MYO19: variants seen among roughly 807,000 people sequenced by gnomAD.
MYO19 encodes the protein unconventional myosin-XIX.
In MYO19, 132 loss-of-function variants were observed where a neutral mutation model predicts 129.2. The observed-to-expected ratio is 1.02, with a 90% confidence interval of 0.89 to 1.18. MYO19 has a LOEUF of 1.18. Ranked by LOEUF, MYO19 falls within the 50% of genes most tolerant of loss-of-function variation. MYO19 has a pLI of 0.00. For missense variants in MYO19, 1,210 were observed against 1,216.7 expected, an observed-to-expected ratio of 0.99 and a Z score of 0.08; for synonymous variants, 531 against 477.2, an observed-to-expected ratio of 1.11 and a Z score of -1.47.
At chr17:36,538,210 A>AT, upstream of MYO19, 1 of 1,613,268 alleles carries the variant, frequency 6.2e-7, no homozygotes, top group Non-Finnish European at 8.5e-7. Context: ...AGAATGGCAA[A>AT]TTTAGCCTTT....
At chr17:36,507,749 A>G in intron 15 of MYO19, 54 bp downstream of exon 15, 1 of 1,528,120 alleles carries the variant, frequency 6.5e-7, no homozygotes, top group Non-Finnish European at 8.8e-7. Flanking sequence ...GAAGGTCAGG[A>G]AGGGATTGAG....
At chr17:36,535,295 A>C (rs1159073445), upstream of MYO19, 3 of 149,980 alleles carry the variant, frequency 2.0e-5, no homozygotes, top group Non-Finnish European at 2.9e-5. Flanking sequence ...TGTGAGGTGC[A>C]TGGCGCGCCG....
In MYO19 at chr17:36,514,458, G is replaced by A; in HGVS notation, c.708C>T (p.His236=). 1.2e-6 allele frequency: 2 copies of A among 1,611,192 alleles called. No homozygotes were observed. The highest frequency in any genetic ancestry group is 1.1e-5 in the South Asian group (1 of 91,028). The change falls in exon 9 of 26, where the codon CAC becomes CAT. Residue 236 remains histidine (H), a synonymous_variant. Coordinates refer to ENST00000614623, the MANE Select transcript of MYO19 (RefSeq NM_001163735.2). ...ATTTGGCACAAACCTGATAGAAGAT[G>A]TGGAAGTTCCTCTCACTGGAAGCCT... The part of the protein sequence containing the change: ...ACQASSERNF[H]IFYQICKGAS...
intron 13 of MYO19, chr17:36,509,399 T>A (rs1474380280): frequency 1.8e-6 from 1 of 541,538 alleles, no homozygotes; most frequent in Non-Finnish European, 3.3e-6. Context: ...CAAGCTCAGC[T>A]CCTAGGCTGG....
In MYO19 at chr17:36,498,269, A is replaced by G; in HGVS notation, c.2754T>C (p.Pro918=). 1 of 1,610,280 alleles carries G rather than the reference A, an allele frequency of 6.2e-7. No homozygotes were observed. The highest frequency in any genetic ancestry group is 8.5e-7 in the Non-Finnish European group (1 of 1,177,880). The part of the protein sequence containing the change: ...QAGVTSIRAL[P]QGSIKFHCRK... ...ATGGCCATCACACACAACGTACCTG[A>G]GGCAGCGCTCGGATGGACGTGACAC... The change falls in exon 25 of 26, where the codon CCT becomes CCC. Residue 918 remains proline, a synonymous_variant. Coordinates refer to ENST00000614623, the MANE Select transcript of MYO19 (RefSeq NM_001163735.2).
chr17:36,531,923 A>G (rs1364152432), intron 3 of MYO19, among the ~76,000 whole-genome samples: 1 of 152,208 alleles, frequency 6.6e-6, no homozygotes, highest in East Asian at 1.9e-4. Flanking sequence ...CAGGACCAAG[A>G]GTTACACATG....
chr17:36,525,028 T>C (rs572446995), intron 6 of MYO19, among the ~76,000 whole-genome samples, 200 bp downstream of exon 6: 8 of 152,206 alleles, frequency 5.3e-5, no homozygotes, highest in Non-Finnish European at 7.3e-5. Context: ...GAGCTTGCAG[T>C]AGAGCCTGGA....
In MYO19 at chr17:36,498,288, G is replaced by A. The variant is rs766196541; in HGVS notation, c.2735C>T (p.Thr912Met). The A allele has an allele frequency of 2.2e-5, 35 of 1,612,608 alleles. No individual in the cohort carries two copies. In the African/African-American group the frequency reaches 3.5e-4, roughly 16 times the overall value. Residue 912 changes from threonine to methionine, a missense_variant, in exon 25 of 26, where the codon ACG (threonine) becomes ATG (methionine). Transcript: ENST00000614623. ...VQTAQDQAGV[T>M]SIRALPQGSI... is the part of the protein sequence containing the mutation. ...TACCTGAGGCAGCGCTCGGATGGAC[G>A]TGACACCAGCCTGGTCTTGTGCTGT...
Position 36,511,011 on chromosome 17 carries a change from C to A in MYO19, c.986-94G>T, listed in dbSNP as rs2142026329. The A allele has an allele frequency of 5.1e-6, 7 of 1,377,482 alleles. No homozygotes were observed. The South Asian group carries it at 9.9e-5, about 19-fold the overall frequency. The allele number at this position is 1,377,482 out of a possible 1,614,324, so 85.3% of individuals were successfully genotyped here. On this transcript the variant is annotated intron_variant, in intron 12 of 25. Coordinates refer to ENST00000614623, the MANE Select transcript of MYO19 (RefSeq NM_001163735.2). ...TCATCACAGCGGGACCATGACTTGC[C>A]CAACTGGACAGAAGAAACCTAAGTT...
chr17:36,530,947 G>C (rs116749396), intron 3 of MYO19, among the ~76,000 whole-genome samples: 1 of 152,092 alleles, frequency 6.6e-6, no homozygotes, highest in Non-Finnish European at 1.5e-5. Flanking sequence ...TTAAGAGACA[G>C]GGTCTCACGG....
chr17:36,497,589 CT>C (rs746721426), intron 25 of MYO19: 95,789 of 737,352 alleles, frequency 0.13, no homozygotes, highest in Non-Finnish European at 0.14. Flanking sequence ...CTAAACCAAA[CT>C]TTTTTTTTTT....
At chr17:36,535,648 A>C (rs1042090387), upstream of MYO19, 2 of 152,236 alleles carry the variant, frequency 1.3e-5, no homozygotes, top group African/African-American at 4.8e-5. Flanking sequence ...TAGGAAAAAG[A>C]CTTTTTATTT....
Position 36,506,466 on chromosome 17 carries a change from G to C in MYO19, c.1787C>G (p.Ser596Cys). ...QSRAPVLTVV[S>C]KFKASLEQLL... ...GCACATCAGACCCACCTTGAACTTG[G>C]ACACCACGGTCAACACAGGGGCCCT... is the stretch of plus-strand genomic sequence containing the variant. The change falls in exon 18 of 26, where the codon TCC becomes TGC. Residue 596 changes from serine (S) to cysteine (C), a missense_variant. By Grantham distance (112) the Ser-to-Cys change is moderately radical. Transcript: ENST00000614623. 1 of 1,613,862 alleles carries C rather than the reference G, an allele frequency of 6.2e-7. No homozygotes were observed. Among genetic ancestry groups the C allele is most frequent in the Non-Finnish European group, 8.5e-7 (1 of 1,179,838 alleles).
At position 36,510,753 on chromosome 17, in the gene MYO19, A is replaced by T; in HGVS notation, c.1150T>A (p.Tyr384Asn). ...TRRDCLAKLI[Y>N]ARLFDWLVSV... ...GCCAGAGTAACTGCTCACCGCGCATAGATCAGTTTGGCCAGGCAGTCTCTA... is the reference window on the plus strand; with the variant it reads ...GCCAGAGTAACTGCTCACCGCGCATTGATCAGTTTGGCCAGGCAGTCTCTA... The change falls in exon 13 of 26, where the codon TAT (tyrosine) becomes AAT (asparagine). Residue 384 changes from tyrosine (Y) to asparagine (N), a missense_variant. Physicochemically the swap from Tyr to Asn is moderately radical, Grantham distance 143. Coordinates refer to ENST00000614623, the MANE Select transcript of MYO19 (RefSeq NM_001163735.2). The T allele has an allele frequency of 6.2e-7, 1 of 1,605,968 alleles. No homozygotes were observed.
rs548779662 is a variant in MYO19 at position 36,524,734 on chromosome 17, A to T, written c.414+494T>A. ...AGCTACTTTGGAGGAGCACTGCCAC[A>T]TGCCAAGCATGCCACCAGGTGCCAT... On this transcript the variant is annotated intron_variant, in intron 6 of 25. Transcript: ENST00000614623. Among the ~76,000 whole-genome samples the T allele has an allele frequency of 2.0e-3, 301 of 152,358 alleles. 4 individuals carry two copies. Among genetic ancestry groups the T allele is most frequent in the African/African-American group, 6.9e-3 (285 of 41,596 alleles).
At position 36,507,630 on chromosome 17, in the gene MYO19, A is replaced by T. The variant is rs1567745769; in HGVS notation, c.1354-118T>A. ...TCCAGAACAGCATCAAAGAAACAAA[A>T]GTATATCAAAACATTACATTGTACT... On this transcript the variant is annotated intron_variant, in intron 15 of 25. Coordinates refer to ENST00000614623, the MANE Select transcript of MYO19 (RefSeq NM_001163735.2). 1.1e-5 allele frequency: 14 copies of T among 1,328,220 alleles called. No homozygotes were observed. In the South Asian group the frequency reaches 1.6e-4, roughly 15 times the overall value. The allele number at this position is 1,328,220 out of a possible 1,614,324, so 82.3% of individuals were successfully genotyped here. A position where few individuals can be genotyped will look rare whatever the true frequency, so the allele number is the denominator to read the frequency against.
intron 4 of MYO19, 83 bp downstream of exon 4, chr17:36,527,981 G>T: frequency 6.5e-7 from 1 of 1,540,920 alleles, no homozygotes; most frequent in South Asian, 1.2e-5. Context: ...ACCTCCGTCT[G>T]ACCTGGAGAA....
chr17:36,514,383 T>C, intron 9 of MYO19, 63 bp downstream of exon 9: 1 of 1,092,590 alleles, frequency 9.2e-7, no homozygotes, highest in Non-Finnish European at 1.4e-6. Context: ...GAGTGGGGGG[T>C]TGAAAAACAC....
At position 36,507,906 on chromosome 17, in the gene MYO19, C is replaced by T. The variant is rs372125006; in HGVS notation, c.1250G>A (p.Gly417Glu). 6.2e-7 allele frequency: 1 copy of T among 1,607,796 alleles called. No individual in the cohort carries two copies. Among genetic ancestry groups the T allele is most frequent in the African/African-American group, 1.3e-5 (1 of 74,808 alleles). Residue 417 changes from glycine (G) to glutamate (E), a missense_variant, in exon 15 of 26, where the codon GGA (glycine) becomes GAA (glutamate). Physicochemically the swap from Gly to Glu is moderately conservative, Grantham distance 98 (BLOSUM62 -2). Transcript: ENST00000614623. ...ACTGTTGTCAGGAAATGATTCAAAT[C>T]CATACACATCCAGCAGGCCTGGGAA... ...TTFIGLLDVY[G>E]FESFPDNSLE...
Sources: allele counts gnomAD v4.1 joint callset (sites outside exome capture counted in the v4.1 genomes callset), GRCh38; gene constraint gnomAD v4.1.1; transcripts MANE v1.5; gene names NCBI Gene and HGNC (gene_info 2026-07-23, HGNC 2026-07-21).